Variants in CDV3 observed in about 807,000 individuals in gnomAD.
CDV3 encodes CDV3 homolog.
Under a neutral mutation model 24.5 loss-of-function variants are expected in CDV3, and 14 were observed. The ratio of observed to expected loss-of-function variants is 0.57; its 90% CI spans 0.38 to 0.89. The LOEUF is 0.89. Among genes scored for constraint, CDV3 ranks in the 40% least tolerant of loss-of-function variants. The pLI is 0.00. For synonymous variants in CDV3, 114 were observed against 114.1 expected, an observed-to-expected ratio of 1.00 and a Z score of 0.00; for missense variants, 304 against 310.2, an observed-to-expected ratio of 0.98 and a Z score of 0.15.
intron 2 of CDV3, among the ~76,000 whole-genome samples, chr3:133,582,097 A>G (rs1366374052): frequency 6.6e-6 from 1 of 152,122 alleles, no homozygotes; most frequent in Non-Finnish European, 1.5e-5. Context: ...TTGTCACTCT[A>G]GCCTCCAAAT....
At chr3:133,578,814 T>C (rs182574410) in intron 2 of CDV3, among the ~76,000 whole-genome samples, 1 of 152,222 alleles carries the variant, frequency 6.6e-6, no homozygotes, top group East Asian at 1.9e-4. Context: ...TTCCCCCTAG[T>C]GTTGGGGAAG....
At position 133,586,591 on chromosome 3, in the gene CDV3, T is replaced by C. The variant is rs1181379479; in HGVS notation, c.495T>C (p.Thr165=). ...CAGAAACCCCAGAACCAGCGATGACTAGTGGTGTGTATAGGCCTCCTGGGG... is the reference window on the plus strand; with the variant it reads ...CAGAAACCCCAGAACCAGCGATGACCAGTGGTGTGTATAGGCCTCCTGGGG... ...IVTETPEPAM[T]SGVYRPPGAR... The change falls in exon 4 of 5, where the codon ACT becomes ACC. Residue 165 remains threonine (T), a synonymous_variant. Transcript: ENST00000264993. 2 of 1,596,002 alleles carry C rather than the reference T, an allele frequency of 1.3e-6. No individual in the cohort carries two copies. Among genetic ancestry groups the C allele is most frequent in the East Asian group, 2.2e-5 (1 of 44,802 alleles).
chr3:133,589,758 C>T lies in CDV3; in HGVS notation c.*1712C>T, dbSNP rs1325571208. ...TCCTGACGGGACCTGCCACTCGCAT[C>T]TGGGCAATGTTGACATTTGAGGTGG... On this transcript the variant is annotated 3_prime_UTR_variant, in exon 5 of 5. Transcript: ENST00000264993. 6.6e-6 allele frequency: 1 copy of T among 152,546 alleles called. No homozygotes were observed. The highest frequency in any genetic ancestry group is 1.5e-5 in the Non-Finnish European group (1 of 68,042). 9.4% of individuals were successfully genotyped at this position (152,546 alleles called of 1,614,324 possible). A position where few individuals can be genotyped will look rare whatever the true frequency, so the allele number is the denominator to read the frequency against.
intron 2 of CDV3, among the ~76,000 whole-genome samples, chr3:133,576,213 T>C (rs1393749348): frequency 6.6e-6 from 1 of 152,188 alleles, no homozygotes; most frequent in African/African-American, 2.4e-5. Context: ...AACCCCCAGA[T>C]TGATAATGGG....
At chr3:133,574,533 C>T in intron 1 of CDV3, 1 of 986,202 alleles carries the variant, frequency 1.0e-6, no homozygotes, top group Non-Finnish European at 1.2e-6. Flanking sequence ...CGGGCGGCGC[C>T]ACCCTCCGGG....
chr3:133,588,881 C>A lies in CDV3; in HGVS notation c.*835C>A, dbSNP rs1204913289. ...TGCATTAAGGCCTTTTTTGCTTTGA[C>A]TTGAAATAAGTTCTTTGACAGAGCA... On this transcript the variant is annotated 3_prime_UTR_variant, in exon 5 of 5. Coordinates refer to ENST00000264993, the MANE Select transcript of CDV3 (RefSeq NM_017548.5). 1 of 152,364 alleles carries A rather than the reference C, an allele frequency of 6.6e-6. No homozygotes were observed. Among genetic ancestry groups the A allele is most frequent in the African/African-American group, 2.4e-5 (1 of 40,978 alleles). 9.4% of individuals were successfully genotyped at this position (152,364 alleles called of 1,614,324 possible).
intron 3 of CDV3, 125 bp from the exon 4 acceptor site, chr3:133,586,438 T>C (rs1266437739): frequency 4.9e-6 from 3 of 608,570 alleles, no homozygotes; most frequent in Non-Finnish European, 8.8e-6. Flanking sequence ...TTCCCTTCTG[T>C]GGTCTGACCC....
chr3:133,587,188 T>A (rs371114011), intron 4 of CDV3: 1 of 1,364,784 alleles, frequency 7.3e-7, no homozygotes, highest in East Asian at 2.6e-5. Flanking sequence ...CTACCTGGAA[T>A]TAAATGACTA....
chr3:133,583,005 A>G (rs966636318), intron 2 of CDV3, among the ~76,000 whole-genome samples: 2 of 152,242 alleles, frequency 1.3e-5, no homozygotes, highest in African/African-American at 4.8e-5. Flanking sequence ...GAAATAATCA[A>G]AGATGCCTTG....
chr3:133,574,308 T>TC, intron 1 of CDV3, 24 bp downstream of exon 1: 1 of 955,264 alleles, frequency 1.0e-6, no homozygotes, highest in Non-Finnish European at 1.2e-6. Context: ...AGGCCGGCAC[T>TC]CGGGGCCCGG....
chr3:133,583,097 A>G (rs528420029), intron 2 of CDV3, among the ~76,000 whole-genome samples: 2 of 152,232 alleles, frequency 1.3e-5, no homozygotes, highest in African/African-American at 2.4e-5. Flanking sequence ...TTAAGATGGT[A>G]TGTTACCACT....
intron 1 of CDV3, 23 bp downstream of exon 1, chr3:133,574,307 C>G (rs1340147618): frequency 5.8e-5 from 56 of 960,234 alleles, no homozygotes; most frequent in Non-Finnish European, 6.8e-5. Context: ...GAGGCCGGCA[C>G]TCGGGGCCCG....
intron 2 of CDV3, among the ~76,000 whole-genome samples, chr3:133,576,168 G>A (rs2074798118): frequency 6.6e-6 from 1 of 152,232 alleles, no homozygotes; most frequent in Non-Finnish European, 1.5e-5. Context: ...ATGTCCTACT[G>A]TGAAAACATC....
chr3:133,581,721 C>A lies in CDV3; in HGVS notation c.318-2281C>A, dbSNP rs1933043241. Among the ~76,000 whole-genome samples, 3 of 152,316 alleles carry A rather than the reference C, an allele frequency of 2.0e-5. No individual in the cohort carries two copies. In the East Asian group the frequency reaches 5.8e-4, roughly 29 times the overall value. On this transcript the variant is annotated intron_variant, in intron 2 of 4. Coordinates refer to ENST00000264993, the MANE Select transcript of CDV3 (RefSeq NM_017548.5). Reference sequence around the variant, plus strand: ...GCTGCATGAAGAAGATAAAGTCATACATTCTAGCACCCAGAGCTACTCTAT... The same window carrying A: ...GCTGCATGAAGAAGATAAAGTCATAAATTCTAGCACCCAGAGCTACTCTAT...
At chr3:133,576,272 G>A (rs528883685) in intron 2 of CDV3, among the ~76,000 whole-genome samples, 20 of 152,304 alleles carry the variant, frequency 1.3e-4, no homozygotes, top group African/African-American at 4.6e-4. Flanking sequence ...TCTTTGTAGT[G>A]GTGTTGAGTA....
intron 2 of CDV3, among the ~76,000 whole-genome samples, chr3:133,583,333 TC>T (rs1431821390): frequency 6.6e-6 from 1 of 152,222 alleles, no homozygotes; most frequent in Non-Finnish European, 1.5e-5. Flanking sequence ...TCAAAACTCT[TC>T]ATTTGCTCAC....
intron 3 of CDV3, among the ~76,000 whole-genome samples, chr3:133,586,198 C>T (rs1300106372): frequency 6.6e-6 from 1 of 152,138 alleles, no homozygotes; most frequent in Non-Finnish European, 1.5e-5. Context: ...TAGGTTCAAG[C>T]CATTCTCCTG....
intron 2 of CDV3, among the ~76,000 whole-genome samples, chr3:133,580,165 C>CT (rs1165788423): frequency 6.6e-6 from 1 of 151,910 alleles, no homozygotes; most frequent in Non-Finnish European, 1.5e-5. Context: ...GTTCCCCTCC[C>CT]TGTGTCCATT....
At chr3:133,576,832 G>T (rs2074825085) in intron 2 of CDV3, among the ~76,000 whole-genome samples, 1 of 56,678 alleles carries the variant, frequency 1.8e-5, no homozygotes, top group Non-Finnish European at 4.3e-5. Context: ...CAACCTGAAG[G>T]TAGACTAGCT....
Sources: gnomAD v4.1 joint callset for allele counts (sites outside exome capture counted in the v4.1 genomes callset) on GRCh38, gnomAD v4.1.1 for gene constraint, MANE v1.5 for transcripts, NCBI Gene and HGNC (gene_info 2026-07-23, HGNC 2026-07-21) for gene names.